The following WDR36 variants were observed in gnomAD, a reference collection of about 807,000 sequenced individuals.
WDR36 encodes WD repeat domain 36.
A neutral mutation model predicts 112.7 loss-of-function variants in WDR36; 63 were observed. The ratio of observed to expected loss-of-function variants is 0.56; its 90% confidence interval spans 0.46 to 0.69. The LOEUF (loss-of-function observed/expected upper bound fraction) is 0.69. Ranked by LOEUF, WDR36 falls within the 30% of genes least tolerant of loss-of-function variation. The pLI is 0.00. For missense variants in WDR36, 1,226 were observed against 1,070.3 expected, an observed-to-expected ratio of 1.15 and a Z score of -2.03; for synonymous variants, 410 against 362.2, an observed-to-expected ratio of 1.13 and a Z score of -1.50.
chr5:111,095,197 C>T (rs530101822), intron 2 of WDR36: 1 of 478,768 alleles, frequency 2.1e-6, no homozygotes, highest in Non-Finnish European at 3.8e-6. Context: ...GACACATTGA[C>T]ATTTTTGAAG....
At chr5:111,104,553 A>C in intron 8 of WDR36, 144 bp from the exon 9 acceptor site, 2 of 1,396,302 alleles carry the variant, frequency 1.4e-6, no homozygotes, top group African/African-American at 1.4e-5. Flanking sequence ...TTCTCCCCCA[A>C]TACCCACTCC....
intron 16 of WDR36, 31 bp downstream of exon 16, chr5:111,113,184 T>A: frequency 1.5e-6 from 2 of 1,339,812 alleles, no homozygotes; most frequent in Non-Finnish European, 2.1e-6. Flanking sequence ...CCCTAACCTC[T>A]ATAAGATTTC....
chr5:111,114,059 A>G (rs914305735), intron 16 of WDR36, among the ~76,000 whole-genome samples: 6 of 152,194 alleles, frequency 3.9e-5, no homozygotes, highest in South Asian at 2.1e-4. Flanking sequence ...TTAAAACGTA[A>G]CAAATGTTCA....
Position 111,129,406 on chromosome 5 carries a change from A to G in WDR36, c.*2523A>G, listed in dbSNP as rs571720181. 3 of 192,792 alleles carry G rather than the reference A, an allele frequency of 1.6e-5. No homozygotes were observed. The highest frequency in any genetic ancestry group is 4.6e-5 in the African/African-American group (2 of 43,094). 11.9% of individuals were successfully genotyped at this position (192,792 alleles called of 1,614,324 possible). ...CCCCATGTAATTAATGACACTTGCT[A>G]TTGGATTTTTGTAATTTAATTACTC... On this transcript the variant is annotated 3_prime_UTR_variant, in exon 23 of 23. Coordinates refer to ENST00000513710, the MANE Select transcript of WDR36 (RefSeq NM_139281.3).
At chr5:111,115,274 ATAAC>A (rs1345939143) in intron 16 of WDR36, among the ~76,000 whole-genome samples, 2 of 152,244 alleles carry the variant, frequency 1.3e-5, no homozygotes, top group Non-Finnish European at 2.9e-5. Flanking sequence ...GAGAGCTTGA[ATAAC>A]TATCCAACAA....
intron 16 of WDR36, among the ~76,000 whole-genome samples, chr5:111,116,143 T>A (rs1753450083): frequency 6.6e-6 from 1 of 151,204 alleles, no homozygotes; most frequent in African/African-American, 2.4e-5. Flanking sequence ...GGAGCTGGGG[T>A]TTCACCATGT....
chr5:111,118,579 TTTG>T (rs2112586028), intron 16 of WDR36, among the ~76,000 whole-genome samples: 1 of 152,320 alleles, frequency 6.6e-6, no homozygotes, highest in East Asian at 1.9e-4. Flanking sequence ...TTACATCCAT[TTTG>T]TTATATTACT....
chr5:111,123,804 G>C lies in WDR36; in HGVS notation c.2149-1G>C. The C allele has an allele frequency of 6.2e-7, 1 of 1,613,324 alleles. No homozygotes were observed. Among genetic ancestry groups the C allele is most frequent in the Non-Finnish European group, 8.5e-7 (1 of 1,179,742 alleles). ...TTTCTTTCTCATTTTCTCTTAATCA[G>C]AAAAAGAATAAACCAAAGGAACCAC... On this transcript the variant is annotated splice_acceptor_variant, in intron 19 of 22. Coordinates refer to ENST00000513710, the MANE Select transcript of WDR36 (RefSeq NM_139281.3). LOFTEE classifies it high-confidence loss of function.
At chr5:111,116,593 A>C (rs1043438088) in intron 16 of WDR36, among the ~76,000 whole-genome samples, 1 of 139,668 alleles carries the variant, frequency 7.2e-6, no homozygotes, top group Non-Finnish European at 1.5e-5. Context: ...TTTCAGAAAA[A>C]ATTGTAAGGT....
intron 9 of WDR36, among the ~76,000 whole-genome samples, 186 bp downstream of exon 9, chr5:111,105,003 A>T (rs1047446728): frequency 5.9e-5 from 9 of 151,608 alleles, no homozygotes; most frequent in Non-Finnish European, 1.3e-4. Flanking sequence ...ATCTATGCTT[A>T]ATGTGTCCTT....
At chr5:111,102,634 T>A (rs900197896) in intron 6 of WDR36, among the ~76,000 whole-genome samples, 4 of 151,860 alleles carry the variant, frequency 2.6e-5, no homozygotes, top group African/African-American at 9.6e-5. Context: ...CTTAAATCTG[T>A]GGTTGCTATG....
intron 17 of WDR36, 94 bp downstream of exon 17, chr5:111,119,214 G>A (rs1753518198): frequency 2.0e-6 from 2 of 996,400 alleles, no homozygotes; most frequent in East Asian, 4.8e-5. Context: ...CTGTTTTTAA[G>A]TGTATTAAAT....
intron 2 of WDR36, among the ~76,000 whole-genome samples, chr5:111,096,202 T>C (rs542204161): frequency 1.2e-4 from 19 of 152,190 alleles, no homozygotes; most frequent in Non-Finnish European, 2.4e-4. Flanking sequence ...AAGAATCATA[T>C]GTCACGTGAG....
chr5:111,099,338 C>G (rs1753063678), intron 4 of WDR36, among the ~76,000 whole-genome samples: 1 of 151,724 alleles, frequency 6.6e-6, no homozygotes, highest in Non-Finnish European at 1.5e-5. Flanking sequence ...GAATTTATCC[C>G]TAGGATATCT....
At position 111,125,731 on chromosome 5, in the gene WDR36, G is replaced by A. The variant is rs771725644; in HGVS notation, c.2474G>A (p.Gly825Glu). The change falls in exon 22 of 23, where the codon GGG becomes GAG. Residue 825 changes from glycine (G) to glutamate (E), a missense_variant. Coordinates refer to ENST00000513710, the MANE Select transcript of WDR36 (RefSeq NM_139281.3). ...EVMQSFLKMI[G>E]MMLDRKRDFE... ...ATGCAGAGCTTCTTGAAAATGATTGGGATGATGCTGGACAGAAAGCGTGAT... is the reference window on the plus strand; with the variant it reads ...ATGCAGAGCTTCTTGAAAATGATTGAGATGATGCTGGACAGAAAGCGTGAT... The A allele has an allele frequency of 1.4e-5, 22 of 1,613,740 alleles. No homozygotes were observed. Among genetic ancestry groups the A allele is most frequent in the Non-Finnish European group, 1.6e-5 (19 of 1,179,856 alleles).
chr5:111,102,515 C>T, intron 6 of WDR36, 116 bp downstream of exon 6: 1 of 1,042,704 alleles, frequency 9.6e-7, no homozygotes, highest in Non-Finnish European at 1.5e-6. Context: ...CTTAGTTTAC[C>T]TTTAAAATTG....
intron 4 of WDR36, among the ~76,000 whole-genome samples, chr5:111,099,476 T>TCG (rs1753073927): frequency 1.5e-5 from 2 of 130,626 alleles, no homozygotes; most frequent in Admixed American, 1.6e-4. Context: ...TTTTTTTTTT[T>TCG]TTTTTTTTCA....
At chr5:111,118,813 T>A (rs554836725) in intron 16 of WDR36, among the ~76,000 whole-genome samples, 200 bp from the exon 17 acceptor site, 38 of 152,292 alleles carry the variant, frequency 2.5e-4, no homozygotes, top group African/African-American at 8.4e-4. Flanking sequence ...TCTTTCTCAT[T>A]AAGTGAGATT....
At chr5:111,101,103 G>A (rs1753113149) in intron 5 of WDR36, among the ~76,000 whole-genome samples, 1 of 151,816 alleles carries the variant, frequency 6.6e-6, no homozygotes, top group Non-Finnish European at 1.5e-5. Context: ...TGTGAATTTT[G>A]GTATCAGCAG....
Sources: gnomAD v4.1 joint callset for allele counts (sites outside exome capture counted in the v4.1 genomes callset) on GRCh38, gnomAD v4.1.1 for gene constraint, MANE v1.5 for transcripts, NCBI Gene and HGNC (gene_info 2026-07-23, HGNC 2026-07-21) for gene names.